The following CDH11 variants were observed in gnomAD, a reference collection of about 807,000 sequenced individuals.
The protein encoded by CDH11 is cadherin 11, also known as cadherin-11.
A neutral mutation model predicts 67.8 loss-of-function variants in CDH11; 11 were observed. The observed-to-expected ratio is 0.16, with a 90% confidence interval of 0.10 to 0.27. The LOEUF (loss-of-function observed/expected upper bound fraction) is 0.27, where lower values mean the gene tolerates loss of function less well. Ranked by LOEUF, CDH11 falls within the 10% of genes least tolerant of loss-of-function variation. CDH11 has a pLI of 1.00. For synonymous variants in CDH11, 419 were observed against 400.0 expected (o/e 1.05, Z -0.57); for missense variants, 847 against 1,031.2 (o/e 0.82, Z 2.45).
intron 2 of CDH11, among the ~76,000 whole-genome samples, chr16:65,047,366 T>TTTTTTTTTTTTTTTTTTC (rs2073980530): frequency 6.6e-6 from 1 of 151,982 alleles, no homozygotes. Flanking sequence ...TTGGTTTTTT[T>TTTTTTTTTTTTTTTTTTC]TTTTAGATGG....
At chr16:65,069,329 A>G (rs1169257120) in intron 1 of CDH11, among the ~76,000 whole-genome samples, 2 of 152,254 alleles carry the variant, frequency 1.3e-5, no homozygotes, top group African/African-American at 4.8e-5. Flanking sequence ...TAATTTGAAT[A>G]GTAGGAGGAA....
At chr16:64,971,409 A>G (rs540147497) in intron 11 of CDH11, among the ~76,000 whole-genome samples, 170 bp downstream of exon 11, 34 of 152,362 alleles carry the variant, frequency 2.2e-4, no homozygotes, top group African/African-American at 8.2e-4. Context: ...ACTTATTCGC[A>G]TGCATCAAAT....
intron 11 of CDH11, among the ~76,000 whole-genome samples, chr16:64,952,835 G>GA (rs1168845791): frequency 1.3e-5 from 2 of 151,732 alleles, no homozygotes; most frequent in East Asian, 3.9e-4. Context: ...CTGTAGTAGG[G>GA]AAAAAAAATC....
chr16:65,028,539 A>G (rs1049249854), intron 2 of CDH11, among the ~76,000 whole-genome samples: 3 of 152,072 alleles, frequency 2.0e-5, no homozygotes, highest in Admixed American at 1.3e-4. Flanking sequence ...ACACACGTCT[A>G]TGCCTCATCT....
intron 1 of CDH11, among the ~76,000 whole-genome samples, chr16:65,080,781 A>G (rs2074597406): frequency 6.6e-6 from 1 of 152,128 alleles, no homozygotes; most frequent in South Asian, 2.1e-4. Context: ...CATTTTGCTC[A>G]TGATATTTTT....
chr16:64,973,169 C>A (rs2072061505), intron 8 of CDH11, 129 bp from the exon 9 acceptor site: 3 of 951,320 alleles, frequency 3.2e-6, no homozygotes, highest in Non-Finnish European at 4.7e-6. Context: ...TCTTTCTAAT[C>A]AAATTTACTT....
At chr16:64,996,195 A>G (rs1221582826) in intron 4 of CDH11, among the ~76,000 whole-genome samples, 1 of 152,158 alleles carries the variant, frequency 6.6e-6, no homozygotes, top group Non-Finnish European at 1.5e-5. Flanking sequence ...AAAAAAACAG[A>G]ATTACAATTC....
rs2075333159 is a variant in CDH11 at position 65,121,661 on chromosome 16, C to A, written c.-298+219G>T. 6.6e-6 allele frequency among the ~76,000 whole-genome samples: 1 copy of A among 152,204 alleles called. No individual in the cohort carries two copies. The highest frequency in any genetic ancestry group is 6.5e-5 in the Admixed American group (1 of 15,282). On this transcript the variant is annotated intron_variant, in intron 1 of 12. Transcript: ENST00000268603. This position sits in a 1 kb window ranked among gnomAD's most constrained non-coding sequence, Gnocchi z 4.1. ...GCACATCTGAAGCCTCCGTCCCCTG[C>A]TTTGCCCGCGCCCACAGCTGGCTCC... is the stretch of plus-strand genomic sequence containing the variant.
At chr16:64,968,709 T>C (rs1221630867) in intron 11 of CDH11, 1 of 192,998 alleles carries the variant, frequency 5.2e-6, no homozygotes. Flanking sequence ...CATGGCATAA[T>C]GGAAGTAAAC....
Position 65,004,957 on chromosome 16 carries a change from C to A in CDH11, c.-88G>T, listed in dbSNP as rs762653034. The stretch of plus-strand genomic sequence containing the variant: ...GTCTTGCTGAGGGTGGCCTCCCGGA[C>A]GCGTCACGCAGACCTCTCTTGGGAT... On this transcript the variant is annotated 5_prime_UTR_variant, in exon 3 of 13. Transcript: ENST00000268603. The A allele has an allele frequency of 7.0e-7, 1 of 1,437,988 alleles. No individual in the cohort carries two copies. The highest frequency in any genetic ancestry group is 1.5e-5 in the South Asian group (1 of 66,956). 89.1% of individuals were successfully genotyped at this position (1,437,988 alleles called of 1,614,324 possible). A position where few individuals can be genotyped will look rare whatever the true frequency, so the allele number is the denominator to read the frequency against.
At chr16:64,984,705 G>A (rs974142500) in intron 7 of CDH11, 5 of 152,152 alleles carry the variant, frequency 3.3e-5, no homozygotes, top group African/African-American at 7.2e-5. Flanking sequence ...ATCCAACTGT[G>A]AGATTTTATT....
chr16:64,981,097 C>CTTTTTTTTTTTTTTTTTTTTTT (rs71376752), intron 8 of CDH11: 2 of 116,466 alleles, frequency 1.7e-5, no homozygotes, highest in African/African-American at 3.8e-5. Flanking sequence ...TTCTTTCTTT[C>CTTTTTTTTTTTTTTTTTTTTTT]TTTTTTTTTT....
At chr16:65,036,284 A>T (rs1478190702) in intron 2 of CDH11, among the ~76,000 whole-genome samples, 1 of 151,986 alleles carries the variant, frequency 6.6e-6, no homozygotes, top group Admixed American at 6.6e-5. Context: ...AACTATCTTC[A>T]TTTTTATTTC....
At chr16:65,007,331 G>T (rs73577740) in intron 2 of CDH11, among the ~76,000 whole-genome samples, 1,632 of 152,190 alleles carry the variant, frequency 0.011, 36 homozygotes, top group African/African-American at 0.038. Context: ...AAGGAATAGG[G>T]GACTTGAAAC....
chr16:65,004,631 G>T lies in CDH11; in HGVS notation c.228+11C>A, dbSNP rs1162810665. 1.2e-6 allele frequency: 2 copies of T among 1,608,586 alleles called. No individual in the cohort carries two copies. The highest frequency in any genetic ancestry group is 2.2e-5 in the South Asian group (2 of 90,582). On this transcript the variant is annotated intron_variant, in intron 3 of 12. Coordinates refer to ENST00000268603, the MANE Select transcript of CDH11 (RefSeq NM_001797.4). ...GTTGGAAAGCTCAGGATTGAGGGAA[G>T]GCAGCCTTACCCTGCCCACAAGCAC...
At chr16:65,099,043 A>G (rs1018414838) in intron 1 of CDH11, among the ~76,000 whole-genome samples, 1 of 152,194 alleles carries the variant, frequency 6.6e-6, no homozygotes, top group East Asian at 1.9e-4. Flanking sequence ...GCATTCATTC[A>G]TAATTTCAGT....
intron 1 of CDH11, among the ~76,000 whole-genome samples, chr16:65,069,091 C>T (rs1362274648): frequency 6.6e-6 from 1 of 152,140 alleles, no homozygotes; most frequent in East Asian, 1.9e-4. Flanking sequence ...ATATTGCCAA[C>T]AAGAAACACT....
At chr16:64,992,801 G>A in intron 5 of CDH11, 114 bp downstream of exon 5, 1 of 948,226 alleles carries the variant, frequency 1.1e-6, no homozygotes, top group East Asian at 2.6e-5. Flanking sequence ...CTATAGGGTA[G>A]CCCTCTGTAT....
At chr16:65,109,609 C>A (rs750485681) in intron 1 of CDH11, among the ~76,000 whole-genome samples, 7 of 152,298 alleles carry the variant, frequency 4.6e-5, no homozygotes, top group Middle Eastern at 3.4e-3. Context: ...CCCTTTCATG[C>A]ACCCATCAAT....
Sources: gnomAD v4.1 joint callset for allele counts (sites outside exome capture counted in the v4.1 genomes callset) on GRCh38, gnomAD v4.1.1 for gene constraint, Gnocchi (gnomAD v3.1) non-coding constraint, MANE v1.5 for transcripts, NCBI Gene and HGNC (gene_info 2026-07-23, HGNC 2026-07-21) for gene names.